The following CCNY variants were observed in gnomAD, a reference collection of about 807,000 sequenced individuals.
CCNY encodes cyclin Y, also known as cyclin-Y.
Under a neutral mutation model 42.8 loss-of-function variants are expected in CCNY, and 19 were observed. That is an observed-to-expected ratio of 0.44 (90% CI 0.31 to 0.65). The LOEUF is 0.65. CCNY is among the 30% of genes least tolerant of loss of function. CCNY has a pLI of 0.07. For missense variants in CCNY, 370 were observed against 437.3 expected (o/e 0.85, Z 1.37); for synonymous variants, 165 against 162.7 (o/e 1.01, Z -0.11).
chr10:35,423,694 A>G (rs1838207897), intron 1 of CCNY, among the ~76,000 whole-genome samples: 1 of 152,128 alleles, frequency 6.6e-6, no homozygotes, highest in African/African-American at 2.4e-5. Context: ...CCTTTTGTCC[A>G]AGAAGAACTT....
At chr10:35,463,146 A>G (rs1450237553) in intron 1 of CCNY, among the ~76,000 whole-genome samples, 1 of 152,226 alleles carries the variant, frequency 6.6e-6, no homozygotes, top group Non-Finnish European at 1.5e-5. Context: ...CAGATGTGCT[A>G]GATGTGGAAC....
At chr10:35,549,302 G>A (rs916210081) in intron 7 of CCNY, among the ~76,000 whole-genome samples, 6 of 152,300 alleles carry the variant, frequency 3.9e-5, no homozygotes, top group Non-Finnish European at 8.8e-5. Context: ...GAGGGGTGGG[G>A]GGTTCTGCAG....
intron 1 of CCNY, among the ~76,000 whole-genome samples, chr10:35,417,477 G>A (rs1019352659): frequency 1.4e-4 from 21 of 152,192 alleles, no homozygotes; most frequent in African/African-American, 4.8e-4. Flanking sequence ...ATGAAATGAT[G>A]TATGAGGGAA....
intron 3 of CCNY, among the ~76,000 whole-genome samples, chr10:35,266,449 G>C (rs2095725449): frequency 6.6e-6 from 1 of 151,876 alleles, no homozygotes; most frequent in African/African-American, 2.4e-5. Context: ...TGATCACTTG[G>C]TGGAGGAATT....
intron 3 of CCNY, among the ~76,000 whole-genome samples, chr10:35,279,349 A>T (rs761045610): frequency 6.6e-6 from 1 of 152,006 alleles, no homozygotes; most frequent in Non-Finnish European, 1.5e-5. Context: ...CCTGGCCTCA[A>T]GCAATCCACC....
chr10:35,342,780 G>A lies in CCNY; in HGVS notation c.154+5573G>A, dbSNP rs11010178. Among the ~76,000 whole-genome samples the A allele has an allele frequency of 8.2e-3, 1,245 of 152,182 alleles. 21 individuals are homozygous for A. The highest frequency in any genetic ancestry group is 0.029 in the African/African-American group (1,191 of 41,512). On this transcript the variant is annotated intron_variant, in intron 1 of 9. Coordinates refer to ENST00000374704, the MANE Select transcript of CCNY (RefSeq NM_145012.6). ...TTAAAGGTTAAGGCATTTGCGGAAG[G>A]TTCCTCAGTTTGTTAGTGGCAGCTG...
chr10:35,398,016 G>C (rs112565220), intron 1 of CCNY, among the ~76,000 whole-genome samples: 232 of 152,324 alleles, frequency 1.5e-3, no homozygotes, highest in African/African-American at 5.1e-3. Context: ...TCTCTGAGCA[G>C]TGCTGGAGGA....
At chr10:35,260,442 T>C (rs1018381177) in intron 3 of CCNY, among the ~76,000 whole-genome samples, 3 of 152,152 alleles carry the variant, frequency 2.0e-5, no homozygotes, top group Non-Finnish European at 2.9e-5. Context: ...CCTCCCAGAA[T>C]TGCAATAGTA....
In CCNY at chr10:35,336,684, C is replaced by A. The variant is rs935987634; in HGVS notation, c.-370C>A. Among the ~76,000 whole-genome samples the A allele has an allele frequency of 6.8e-6, 1 of 147,502 alleles. No individual in the cohort carries two copies. The highest frequency in any genetic ancestry group is 2.4e-5 in the African/African-American group (1 of 40,924). On this transcript the variant is annotated 5_prime_UTR_variant, in exon 1 of 10. Transcript: ENST00000374704. ...TCGCCGCAGCCGCCGGGGAAGCGGA[C>A]ACCAACTGGGGAAGCGCGGGGGGGA...
chr10:35,337,050 GA>G lies in CCNY; in HGVS notation c.-2del. ...TAGCAGCAGGAGTCGGGGGGCCGCC[GA>G]AGATGGGGAACACTACCTCGTGCTG... On this transcript the variant is annotated 5_prime_UTR_variant, in exon 1 of 10. Transcript: ENST00000374704. 6.4e-7 allele frequency: 1 copy of G among 1,557,536 alleles called. No homozygotes were observed. The highest frequency in any genetic ancestry group is 1.8e-5 in the Admixed American group (1 of 54,262).
chr10:35,335,224 ATTTACTCTACTTCTC>A (rs1040843283), upstream of CCNY, among the ~76,000 whole-genome samples: 1 of 151,994 alleles, frequency 6.6e-6, no homozygotes, highest in African/African-American at 2.4e-5. Context: ...GCGAACCAAC[ATTTACTCTACTTCTC>A]TCCCAGCCAG....
intron 3 of CCNY, among the ~76,000 whole-genome samples, chr10:35,276,977 T>C (rs1284387547): frequency 6.6e-6 from 1 of 152,252 alleles, no homozygotes; most frequent in Non-Finnish European, 1.5e-5. Context: ...CCCAGACTGA[T>C]AAATGCTCAC....
chr10:35,396,879 T>C (rs1328131859), intron 1 of CCNY, among the ~76,000 whole-genome samples: 1 of 152,200 alleles, frequency 6.6e-6, no homozygotes, highest in Non-Finnish European at 1.5e-5. Context: ...AGGATTCCTC[T>C]AAGCTCTGGG....
At chr10:35,453,656 T>C (rs1838966888) in intron 1 of CCNY, among the ~76,000 whole-genome samples, 1 of 152,254 alleles carries the variant, frequency 6.6e-6, no homozygotes, top group Admixed American at 6.5e-5. Flanking sequence ...GCTTATTTTT[T>C]ACTCCTTTAA....
intron 3 of CCNY, among the ~76,000 whole-genome samples, chr10:35,502,953 C>G (rs1840140205): frequency 6.6e-6 from 1 of 152,180 alleles, no homozygotes; most frequent in Non-Finnish European, 1.5e-5. Context: ...TTCCTGTTCA[C>G]TGCAGCTCCA....
intron 3 of CCNY, among the ~76,000 whole-genome samples, chr10:35,282,107 C>T (rs1226517823): frequency 7.1e-6 from 1 of 141,014 alleles, no homozygotes; most frequent in African/African-American, 2.7e-5. Context: ...TCTTCCTCAT[C>T]TACACCCTTT....
chr10:35,453,025 A>C (rs1838952640), intron 1 of CCNY, among the ~76,000 whole-genome samples: 1 of 152,284 alleles, frequency 6.6e-6, no homozygotes, highest in East Asian at 1.9e-4. Context: ...CCCAGGCTGG[A>C]CTGCAGTGGC....
At chr10:35,424,658 G>A (rs1838228197) in intron 1 of CCNY, among the ~76,000 whole-genome samples, 2 of 152,210 alleles carry the variant, frequency 1.3e-5, no homozygotes, top group African/African-American at 2.4e-5. Context: ...ATACTATTAA[G>A]TGCTTGCCAG....
intron 1 of CCNY, among the ~76,000 whole-genome samples, chr10:35,369,715 C>G (rs900082121): frequency 6.6e-6 from 1 of 152,160 alleles, no homozygotes; most frequent in Non-Finnish European, 1.5e-5. Flanking sequence ...GAGATTAAGC[C>G]TACTAATATG....
Sources: allele counts gnomAD v4.1 joint callset (sites outside exome capture counted in the v4.1 genomes callset), GRCh38; gene constraint gnomAD v4.1.1; transcripts MANE v1.5; gene names NCBI Gene and HGNC (gene_info 2026-07-23, HGNC 2026-07-21).